The following SSBP2 variants were observed in gnomAD, a reference collection of about 807,000 sequenced individuals.
The protein encoded by SSBP2 is single-stranded DNA-binding protein 2.
A neutral mutation model predicts 61.8 loss-of-function variants in SSBP2; 17 were observed. The observed-to-expected ratio is 0.28, with a 90% CI of 0.19 to 0.41. SSBP2 has a LOEUF of 0.41. Ranked by LOEUF, SSBP2 falls within the 10% of genes least tolerant of loss-of-function variation. The probability of loss-of-function intolerance (pLI) is 1.00; values close to 1 mark genes in which losing one functional copy is unlikely to be tolerated. For synonymous variants in SSBP2, 139 were observed against 141.3 expected (o/e 0.98, Z 0.12); for missense variants, 310 against 458.7 (o/e 0.68, Z 2.96).
In SSBP2 at chr5:81,587,823, G is replaced by A. The variant is rs918333307; in HGVS notation, c.282+27650C>T. On this transcript the variant is annotated intron_variant, in intron 4 of 16. Coordinates refer to ENST00000320672, the MANE Select transcript of SSBP2 (RefSeq NM_012446.5). The stretch of plus-strand genomic sequence containing the variant: ...AGAATAAACTGAGATGTAAGATAGC[G>A]AAAGGGTATAGAAGAAAGGAAAGAA... 3.9e-5 allele frequency among the ~76,000 whole-genome samples: 6 copies of A among 152,084 alleles called. No individual in the cohort carries two copies. In the East Asian group the frequency reaches 1.2e-3, roughly 29 times the overall value.
intron 5 of SSBP2, among the ~76,000 whole-genome samples, chr5:81,491,191 T>A (rs1468908931): frequency 6.6e-6 from 1 of 152,242 alleles, no homozygotes; most frequent in Non-Finnish European, 1.5e-5. Flanking sequence ...TACAAAATGA[T>A]GTTTTATGAC....
At chr5:81,435,612 T>C (rs371437805) in intron 15 of SSBP2, among the ~76,000 whole-genome samples, 54 of 152,228 alleles carry the variant, frequency 3.5e-4, no homozygotes, top group African/African-American at 1.3e-3. Context: ...TGAGGGCAGA[T>C]TAGAAGATGG....
intron 5 of SSBP2, among the ~76,000 whole-genome samples, chr5:81,496,691 C>G (rs978763621): frequency 2.0e-5 from 3 of 150,944 alleles, no homozygotes; most frequent in Non-Finnish European, 4.4e-5. Context: ...GAAACATGTT[C>G]AAGAAGGAAG....
intron 1 of SSBP2, among the ~76,000 whole-genome samples, chr5:81,733,776 T>G (rs16899116): frequency 0.092 from 13,968 of 152,186 alleles, 1,118 homozygotes; most frequent in East Asian, 0.38. Flanking sequence ...CAATATAACT[T>G]AGGAAATTGA....
At chr5:81,567,407 C>G (rs1273743348) in intron 4 of SSBP2, among the ~76,000 whole-genome samples, 2 of 152,180 alleles carry the variant, frequency 1.3e-5, no homozygotes, top group Admixed American at 6.5e-5. Flanking sequence ...TGCGGGTGCA[C>G]AGAAGTCAAG....
chr5:81,638,647 C>A (rs922233925), intron 2 of SSBP2, among the ~76,000 whole-genome samples: 5 of 151,940 alleles, frequency 3.3e-5, no homozygotes, highest in Admixed American at 6.6e-5. Flanking sequence ...ATCATTGTCA[C>A]CAGCACCCAC....
chr5:81,485,574 C>T (rs1186257107), intron 6 of SSBP2, among the ~76,000 whole-genome samples: 2 of 152,050 alleles, frequency 1.3e-5, no homozygotes, highest in African/African-American at 2.4e-5. Flanking sequence ...TTTCTATTTC[C>T]TTAGATACAA....
intron 15 of SSBP2, among the ~76,000 whole-genome samples, chr5:81,433,129 G>A (rs888542794): frequency 5.1e-4 from 77 of 152,100 alleles, no homozygotes; most frequent in African/African-American, 1.1e-3. Flanking sequence ...CATTGAGAAC[G>A]GGCCATGATG....
intron 6 of SSBP2, among the ~76,000 whole-genome samples, chr5:81,477,470 G>A (rs935857389): frequency 2.0e-5 from 3 of 152,060 alleles, no homozygotes; most frequent in Admixed American, 6.6e-5. Flanking sequence ...CTTCAACAGT[G>A]GGAAACCCGG....
intron 4 of SSBP2, among the ~76,000 whole-genome samples, chr5:81,547,274 G>A (rs1771809929): frequency 6.6e-6 from 1 of 152,118 alleles, no homozygotes; most frequent in African/African-American, 2.4e-5. Flanking sequence ...TACCCAAGGA[G>A]TTGAAAACCT....
intron 3 of SSBP2, among the ~76,000 whole-genome samples, chr5:81,633,107 TC>T (rs1747879132): frequency 1.5e-5 from 2 of 130,444 alleles, no homozygotes; most frequent in African/African-American, 5.8e-5. Flanking sequence ...TGAGCCTCTG[TC>T]TTTTTTTTTT....
intron 15 of SSBP2, among the ~76,000 whole-genome samples, chr5:81,434,577 C>T (rs1015972181): frequency 3.9e-5 from 5 of 129,538 alleles, no homozygotes; most frequent in African/African-American, 6.2e-5. Flanking sequence ...TGCGGTGAGC[C>T]GAGGAGATGG....
intron 11 of SSBP2, among the ~76,000 whole-genome samples, chr5:81,448,495 A>C (rs1001521645): frequency 6.6e-6 from 1 of 152,186 alleles, no homozygotes; most frequent in Non-Finnish European, 1.5e-5. Flanking sequence ...AAATTCAAGC[A>C]TATTACTGTG....
At chr5:81,536,220 A>G (rs1770790446) in intron 4 of SSBP2, among the ~76,000 whole-genome samples, 1 of 152,154 alleles carries the variant, frequency 6.6e-6, no homozygotes, top group Admixed American at 6.5e-5. Flanking sequence ...ATGTAGATCA[A>G]TTACAACATA....
intron 4 of SSBP2, among the ~76,000 whole-genome samples, chr5:81,548,961 A>C (rs1771964795): frequency 6.6e-6 from 1 of 152,198 alleles, no homozygotes. Context: ...TTTGTCTTTC[A>C]TAAACTGAAA....
rs1761441134 is a variant in SSBP2, at chr5:81,418,927, GCTTTTCAAAGTCTCT to G, written c.*1562_*1576del. On this transcript the variant is annotated 3_prime_UTR_variant, in exon 17 of 17. Coordinates refer to ENST00000320672, the MANE Select transcript of SSBP2 (RefSeq NM_012446.5). ...TTCCTCTTACCTGCAATTAAACAATGCTTTTCAAAGTCTCTAGAGTTTGGATTCATAGTTGGTATT... is the reference window on the plus strand; with the variant it reads ...TTCCTCTTACCTGCAATTAAACAATGAGAGTTTGGATTCATAGTTGGTATT... 2.0e-5 allele frequency: 3 copies of G among 152,282 alleles called. No individual in the cohort carries two copies. Among genetic ancestry groups the G allele is most frequent in the African/African-American group, 7.2e-5 (3 of 41,568 alleles). 9.4% of individuals were successfully genotyped at this position (152,282 alleles called of 1,614,324 possible).
chr5:81,712,362 A>AGATTTCTGGCTAAGGATGGT (rs141328482), intron 1 of SSBP2, among the ~76,000 whole-genome samples: 14 of 49,450 alleles, frequency 2.8e-4, no homozygotes, highest in South Asian at 6.5e-4. Context: ...TAAAGATTAC[A>AGATTTCTGGCTAAGGATGGT]AGGCCGAGGC....
chr5:81,709,929 G>C (rs1039231053), intron 1 of SSBP2, among the ~76,000 whole-genome samples: 2 of 151,922 alleles, frequency 1.3e-5, no homozygotes, highest in African/African-American at 4.8e-5. Flanking sequence ...AAAATTAGAA[G>C]CATATCAGGA....
intron 1 of SSBP2, among the ~76,000 whole-genome samples, chr5:81,728,613 T>C (rs1402034109): frequency 1.3e-5 from 2 of 152,184 alleles, no homozygotes; most frequent in African/African-American, 4.8e-5. Context: ...ACAATAATAG[T>C]GTGGATCAGA....
Sources: gnomAD v4.1 joint callset for allele counts (sites outside exome capture counted in the v4.1 genomes callset) on GRCh38, gnomAD v4.1.1 for gene constraint, MANE v1.5 for transcripts, NCBI Gene and HGNC (gene_info 2026-07-23, HGNC 2026-07-21) for gene names.